The following CALN1 variants were observed in gnomAD, a reference collection of about 807,000 sequenced individuals.
CALN1 encodes the protein calneuron 1.
In CALN1, 17 loss-of-function variants were observed where a neutral mutation model predicts 30.6. That is an observed-to-expected ratio of 0.56 (90% confidence interval 0.38 to 0.83). The LOEUF (loss-of-function observed/expected upper bound fraction) is 0.83, where lower values mean the gene tolerates loss of function less well. Ranked by LOEUF, CALN1 falls within the 40% of genes least tolerant of loss-of-function variation. The pLI is 0.00. For synonymous variants in CALN1, 156 were observed against 131.4 expected, an observed-to-expected ratio of 1.19 and a Z score of -1.28; for missense variants, 291 against 354.9, an observed-to-expected ratio of 0.82 and a Z score of 1.45.
intron 4 of CALN1, among the ~76,000 whole-genome samples, chr7:72,068,019 G>A (rs972782515): frequency 6.6e-6 from 1 of 152,172 alleles, no homozygotes; most frequent in African/African-American, 2.4e-5. Flanking sequence ...AGATAATGAG[G>A]TAAACTAAAC....
At chr7:72,186,067 T>A (rs1019562342) in intron 3 of CALN1, among the ~76,000 whole-genome samples, 3 of 151,778 alleles carry the variant, frequency 2.0e-5, no homozygotes, top group Non-Finnish European at 2.9e-5. Flanking sequence ...GAAGGAGAGG[T>A]AAGGGCAGAG....
chr7:72,100,392 G>T (rs941900470), intron 4 of CALN1, among the ~76,000 whole-genome samples: 3 of 151,966 alleles, frequency 2.0e-5, no homozygotes, highest in Non-Finnish European at 4.4e-5. Context: ...GTGTTGCCCA[G>T]ACCGGTCTTA....
At chr7:72,213,601 A>G (rs1222434640) in intron 3 of CALN1, among the ~76,000 whole-genome samples, 1 of 152,200 alleles carries the variant, frequency 6.6e-6, no homozygotes, top group Admixed American at 6.5e-5. Flanking sequence ...TTGGGGGAAA[A>G]AAAGAAAAGT....
At chr7:72,269,935 G>A (rs1796861005) in intron 3 of CALN1, among the ~76,000 whole-genome samples, 1 of 152,092 alleles carries the variant, frequency 6.6e-6, no homozygotes, top group Non-Finnish European at 1.5e-5. Flanking sequence ...AGTATATTCA[G>A]AGAATTAAAG....
intron 5 of CALN1, among the ~76,000 whole-genome samples, chr7:72,010,797 C>A (rs1176830609): frequency 7.0e-6 from 1 of 143,018 alleles, no homozygotes; most frequent in African/African-American, 2.7e-5. Flanking sequence ...ACAGAGGAGA[C>A]CCTGTCTCAA....
intron 5 of CALN1, among the ~76,000 whole-genome samples, chr7:71,998,216 A>G (rs971225977): frequency 6.6e-6 from 1 of 152,182 alleles, no homozygotes; most frequent in Non-Finnish European, 1.5e-5. Context: ...AAAATTTACC[A>G]TGATCAGATT....
intron 5 of CALN1, among the ~76,000 whole-genome samples, chr7:71,821,384 T>C (rs547980948): frequency 3.3e-5 from 5 of 152,208 alleles, no homozygotes; most frequent in South Asian, 2.1e-4. Flanking sequence ...GGACTCACCG[T>C]TCCACATGGC....
At chr7:72,407,059 T>TCTACGCAGGG (rs1433823135) in intron 1 of CALN1, among the ~76,000 whole-genome samples, 3 of 152,164 alleles carry the variant, frequency 2.0e-5, no homozygotes, top group Non-Finnish European at 4.4e-5. Flanking sequence ...TAGCCCTGGG[T>TCTACGCAGGG]CTACGCTTTG....
At chr7:72,321,155 A>G (rs978393334) in intron 2 of CALN1, among the ~76,000 whole-genome samples, 1 of 149,032 alleles carries the variant, frequency 6.7e-6, no homozygotes, top group Non-Finnish European at 1.5e-5. Context: ...ATCTTCTAGG[A>G]CATAATGCAC....
In CALN1 at chr7:72,168,737, T is replaced by A. The variant is rs191974399; in HGVS notation, c.245-62443A>T. ...TACTACCCTTCCTCTGCCAGTTTCA[T>A]GGCAGTAAGTTTTGTGTCCCCTTTC... On this transcript the variant is annotated intron_variant, in intron 3 of 6. Coordinates refer to ENST00000395275, the MANE Select transcript of CALN1 (RefSeq NM_031468.4). Among the ~76,000 whole-genome samples, 7 of 152,064 alleles carry A rather than the reference T, an allele frequency of 4.6e-5. No individual in the cohort carries two copies. In the East Asian group the frequency reaches 1.4e-3, roughly 29 times the overall value.
intron 3 of CALN1, among the ~76,000 whole-genome samples, chr7:72,258,252 G>A (rs945999024): frequency 2.6e-5 from 4 of 152,146 alleles, no homozygotes; most frequent in African/African-American, 9.7e-5. Flanking sequence ...TATCCATGGG[G>A]CAGCCCTAAT....
rs1288251370 is a variant in CALN1 at position 72,054,476 on chromosome 7, CATACAT to C, written c.389-30713_389-30708del. Among the ~76,000 whole-genome samples, 18 of 89,610 alleles carry C rather than the reference CATACAT, an allele frequency of 2.0e-4. 2 individuals carry two copies. Among genetic ancestry groups the C allele is most frequent in the African/African-American group, 2.8e-4 (8 of 29,050 alleles). The allele number at this position is 89,610 out of a possible 152,430, so 58.8% of individuals were successfully genotyped here. A position where few individuals can be genotyped will look rare whatever the true frequency, so the allele number is the denominator to read the frequency against. On this transcript the variant is annotated intron_variant, in intron 4 of 6. Coordinates refer to ENST00000395275, the MANE Select transcript of CALN1 (RefSeq NM_031468.4). The stretch of plus-strand genomic sequence containing the variant: ...ATATATACATATATATACATATATA[CATACAT>C]ATATATATACATATATACATATATA...
chr7:72,170,868 CAG>C (rs1250298508), intron 3 of CALN1, among the ~76,000 whole-genome samples: 9 of 152,096 alleles, frequency 5.9e-5, no homozygotes, highest in Admixed American at 5.2e-4. Flanking sequence ...TATGATTTCA[CAG>C]AGTCAGCCAG....
At chr7:72,257,214 T>C (rs1313906218) in intron 3 of CALN1, among the ~76,000 whole-genome samples, 1 of 152,154 alleles carries the variant, frequency 6.6e-6, no homozygotes, top group East Asian at 1.9e-4. Context: ...CATGGGGGAA[T>C]CCGCCCCCAT....
intron 2 of CALN1, among the ~76,000 whole-genome samples, chr7:72,391,052 G>A (rs1283912234): frequency 6.6e-6 from 1 of 152,230 alleles, no homozygotes; most frequent in Middle Eastern, 3.4e-3. Flanking sequence ...TTACTCCCAA[G>A]CCTTCGGTAA....
At chr7:72,034,996 T>C (rs1562996372) in intron 4 of CALN1, among the ~76,000 whole-genome samples, 1 of 152,086 alleles carries the variant, frequency 6.6e-6, no homozygotes, top group East Asian at 1.9e-4. Flanking sequence ...TATCCAGACA[T>C]GTACCCACTC....
At chr7:72,200,551 A>G (rs1791346218) in intron 3 of CALN1, among the ~76,000 whole-genome samples, 1 of 152,114 alleles carries the variant, frequency 6.6e-6, no homozygotes, top group Non-Finnish European at 1.5e-5. Flanking sequence ...TAGCTCCATA[A>G]CTAGCTCAAG....
At chr7:71,823,481 T>A (rs373968112) in intron 5 of CALN1, among the ~76,000 whole-genome samples, 19 of 152,130 alleles carry the variant, frequency 1.2e-4, no homozygotes, top group African/African-American at 2.7e-4. Context: ...GCACTTTGGG[T>A]GGCCAAGGCA....
At chr7:71,915,741 A>T (rs1794659605) in intron 5 of CALN1, among the ~76,000 whole-genome samples, 2 of 122,002 alleles carry the variant, frequency 1.6e-5, no homozygotes, top group South Asian at 4.5e-4. Flanking sequence ...TCAAAACAAA[A>T]ACCAACCAAA....
Sources: gnomAD v4.1 joint callset for allele counts (sites outside exome capture counted in the v4.1 genomes callset) on GRCh38, gnomAD v4.1.1 for gene constraint, MANE v1.5 for transcripts, NCBI Gene and HGNC (gene_info 2026-07-23, HGNC 2026-07-21) for gene names.